The following PLSCR4 variants were observed in gnomAD, a reference collection of about 807,000 sequenced individuals.
The protein encoded by PLSCR4 is Ca(2+)-dependent phospholipid scramblase 4.
In PLSCR4, 25 loss-of-function variants were observed where a neutral mutation model predicts 36.3. The observed-to-expected ratio is 0.69, with a 90% CI of 0.50 to 0.96. The LOEUF (loss-of-function observed/expected upper bound fraction) is 0.96, where lower values mean the gene tolerates loss of function less well. PLSCR4 is among the 40% of genes least tolerant of loss of function. PLSCR4 has a pLI of 0.00. For synonymous variants in PLSCR4, 122 were observed against 132.9 expected (o/e 0.92, Z 0.56); for missense variants, 408 against 414.7 (o/e 0.98, Z 0.14).
chr3:146,198,214 G>T (rs2033852904), intron 6 of PLSCR4, among the ~76,000 whole-genome samples: 2 of 152,100 alleles, frequency 1.3e-5, no homozygotes, highest in African/African-American at 4.8e-5. Context: ...AATAAAAGAG[G>T]ACTTTGGTGA....
rs2033510030 is a variant in PLSCR4, at chr3:146,193,312, T to C, written c.*1099A>G. 1 of 152,164 alleles carries C rather than the reference T, an allele frequency of 6.6e-6. No individual in the cohort carries two copies. Among genetic ancestry groups the C allele is most frequent in the South Asian group, 2.1e-4 (1 of 4,828 alleles). 9.4% of individuals were successfully genotyped at this position (152,164 alleles called of 1,614,324 possible). On this transcript the variant is annotated 3_prime_UTR_variant, in exon 9 of 9. Transcript: ENST00000354952. ...ATGTCAATAAAAAGAAGCAAAGCAG[T>C]ATTAAGCAGCGGTGGAATTTGTCGC...
At chr3:146,217,653 G>A (rs974190152) in intron 3 of PLSCR4, among the ~76,000 whole-genome samples, 4 of 152,174 alleles carry the variant, frequency 2.6e-5, no homozygotes, top group African/African-American at 9.7e-5. Context: ...ACTTTGAAGT[G>A]GACTGGATAT....
chr3:146,220,705 A>G (rs551730812), intron 3 of PLSCR4, 110 bp downstream of exon 3: 19 of 711,680 alleles, frequency 2.7e-5, no homozygotes, highest in Non-Finnish European at 4.5e-5. Flanking sequence ...GGCATCCAAT[A>G]TTTATTTACT....
At chr3:146,197,860 G>A (rs2033832310) in intron 6 of PLSCR4, among the ~76,000 whole-genome samples, 3 of 152,060 alleles carry the variant, frequency 2.0e-5, no homozygotes, top group Admixed American at 1.3e-4. Context: ...TTGTTCATAT[G>A]TATAAATTCA....
chr3:146,238,279 C>G (rs1431872909), intron 1 of PLSCR4, among the ~76,000 whole-genome samples: 2 of 151,466 alleles, frequency 1.3e-5, no homozygotes, highest in Non-Finnish European at 3.0e-5. Context: ...AATATCAACC[C>G]TTCGCAAACT....
intron 4 of PLSCR4, among the ~76,000 whole-genome samples, chr3:146,202,701 A>G (rs2108227654): frequency 6.6e-6 from 1 of 152,202 alleles, no homozygotes; most frequent in East Asian, 1.9e-4. Context: ...ACTTTACCAC[A>G]GTAGAACTTC....
At chr3:146,234,043 A>G (rs2107829644) in intron 1 of PLSCR4, among the ~76,000 whole-genome samples, 1 of 152,364 alleles carries the variant, frequency 6.6e-6, no homozygotes, top group African/African-American at 2.4e-5. Context: ...CCAGTTATGG[A>G]TAACATGCAG....
intron 3 of PLSCR4, among the ~76,000 whole-genome samples, chr3:146,218,938 C>T (rs1275813484): frequency 6.6e-6 from 1 of 152,108 alleles, no homozygotes; most frequent in Non-Finnish European, 1.5e-5. Flanking sequence ...TGTGGGAACA[C>T]ATATCCAACA....
intron 5 of PLSCR4, among the ~76,000 whole-genome samples, chr3:146,200,396 C>T (rs920768111): frequency 4.0e-5 from 6 of 151,864 alleles, no homozygotes; most frequent in South Asian, 2.1e-4. Context: ...AATCAGTTCA[C>T]GAAACATGCT....
intron 3 of PLSCR4, among the ~76,000 whole-genome samples, chr3:146,212,097 T>C (rs2034654665): frequency 6.6e-6 from 1 of 152,164 alleles, no homozygotes; most frequent in African/African-American, 2.4e-5. Flanking sequence ...ATAAGAATTG[T>C]GTTGAATCTG....
chr3:146,235,056 T>C (rs1217557648), intron 1 of PLSCR4, among the ~76,000 whole-genome samples: 3 of 152,102 alleles, frequency 2.0e-5, no homozygotes, highest in African/African-American at 2.4e-5. Flanking sequence ...CAGAATCTCA[T>C]AAAATAATAT....
At chr3:146,223,800 A>G (rs1283207841) in intron 1 of PLSCR4, 1 of 148,408 alleles carries the variant, frequency 6.7e-6, no homozygotes, top group Admixed American at 6.8e-5. Context: ...ATATAAATAT[A>G]TTTTAAAACA....
At chr3:146,237,186 T>C (rs11918202) in intron 1 of PLSCR4, among the ~76,000 whole-genome samples, 2 of 152,156 alleles carry the variant, frequency 1.3e-5, no homozygotes, top group Non-Finnish European at 2.9e-5. Flanking sequence ...ATACTAATCT[T>C]ATACAAATAA....
chr3:146,234,953 G>T (rs149662122), intron 1 of PLSCR4, among the ~76,000 whole-genome samples: 1 of 152,074 alleles, frequency 6.6e-6, no homozygotes, highest in Non-Finnish European at 1.5e-5. Flanking sequence ...CTCACAAAAG[G>T]CTGGCCAGAA....
At chr3:146,201,119 G>A in intron 4 of PLSCR4, 42 bp from the exon 5 acceptor site, 1 of 1,210,186 alleles carries the variant, frequency 8.3e-7, no homozygotes, top group Non-Finnish European at 1.1e-6. Context: ...AGAAATAACA[G>A]AACTAAAATA....
chr3:146,217,357 C>G (rs2034945980), intron 3 of PLSCR4, among the ~76,000 whole-genome samples: 2 of 152,214 alleles, frequency 1.3e-5, no homozygotes. Context: ...CGGACAAGAA[C>G]AGGCAGGTGC....
chr3:146,212,037 T>C (rs1220353625), intron 3 of PLSCR4, among the ~76,000 whole-genome samples: 4 of 152,160 alleles, frequency 2.6e-5, no homozygotes, highest in African/African-American at 9.7e-5. Flanking sequence ...ATCCTTTACA[T>C]TTCCATATGT....
intron 3 of PLSCR4, among the ~76,000 whole-genome samples, chr3:146,219,047 A>T (rs9877004): frequency 6.6e-6 from 1 of 152,042 alleles, no homozygotes; most frequent in Non-Finnish European, 1.5e-5. Flanking sequence ...TGAGTCACAG[A>T]GACAATTTTT....
chr3:146,216,864 T>C (rs1030803941), intron 3 of PLSCR4, among the ~76,000 whole-genome samples: 2 of 152,104 alleles, frequency 1.3e-5, no homozygotes, highest in African/African-American at 4.8e-5. Flanking sequence ...GACAATGCAG[T>C]GGTCTGGGGT....
Sources: gnomAD v4.1 joint callset for allele counts (sites outside exome capture counted in the v4.1 genomes callset) on GRCh38, gnomAD v4.1.1 for gene constraint, MANE v1.5 for transcripts, NCBI Gene and HGNC (gene_info 2026-07-23, HGNC 2026-07-21) for gene names.